PCDH9: variants seen among roughly 807,000 people sequenced by gnomAD.
PCDH9 encodes the protein protocadherin 9, also known as protocadherin-9.
Under a neutral mutation model 70.6 loss-of-function variants are expected in PCDH9, and 24 were observed. The ratio of observed to expected loss-of-function variants is 0.34; its 90% CI spans 0.25 to 0.48. The LOEUF is 0.48. PCDH9 is among the 20% of genes least tolerant of loss of function. The pLI is 0.99. For missense variants in PCDH9, 1,281 were observed against 1,503.6 expected (o/e 0.85, Z 2.45); for synonymous variants, 562 against 558.5 (o/e 1.01, Z -0.09).
rs1351816042 is a variant in PCDH9 at position 66,426,780 on chromosome 13, C to A, written c.3341-121752G>T. On this transcript the variant is annotated intron_variant, in intron 4 of 4. Transcript: ENST00000377865. ...CATGCATCCTTTACTATTAATAACTCCTTTAATATTTATTACAATAGATAT... is the reference window on the plus strand; with the variant it reads ...CATGCATCCTTTACTATTAATAACTACTTTAATATTTATTACAATAGATAT... Among the ~76,000 whole-genome samples, 4 of 151,392 alleles carry A rather than the reference C, an allele frequency of 2.6e-5. No individual in the cohort carries two copies. The Admixed American group carries it at 2.6e-4, about 10-fold the overall frequency.
chr13:66,730,050 T>C (rs2079052360), intron 3 of PCDH9, among the ~76,000 whole-genome samples: 1 of 152,210 alleles, frequency 6.6e-6, no homozygotes, highest in Admixed American at 6.5e-5. Context: ...CTTTTAAAAA[T>C]ATTTAACCAT....
At chr13:66,781,393 CA>C (rs2079995716) in intron 3 of PCDH9, among the ~76,000 whole-genome samples, 1 of 152,168 alleles carries the variant, frequency 6.6e-6, no homozygotes, top group African/African-American at 2.4e-5. Flanking sequence ...GTTTATTTCA[CA>C]AATGCGCTAT....
intron 4 of PCDH9, among the ~76,000 whole-genome samples, chr13:66,500,807 C>T (rs760004457): frequency 3.3e-5 from 5 of 152,058 alleles, no homozygotes; most frequent in Non-Finnish European, 7.4e-5. Context: ...ATTCTAATAT[C>T]ACCATTAATA....
intron 4 of PCDH9, among the ~76,000 whole-genome samples, chr13:66,585,757 C>A (rs1256461819): frequency 1.3e-5 from 2 of 152,016 alleles, no homozygotes; most frequent in South Asian, 2.1e-4. Context: ...TTCTTTCTTT[C>A]TTTTCTTCTC....
chr13:66,842,698 T>A (rs1422772719), intron 3 of PCDH9, among the ~76,000 whole-genome samples: 2 of 152,202 alleles, frequency 1.3e-5, no homozygotes, highest in African/African-American at 4.8e-5. Context: ...TAACTGTTAA[T>A]CCTAAGATTT....
chr13:66,852,031 G>A (rs1010791509), intron 3 of PCDH9, among the ~76,000 whole-genome samples: 24 of 151,722 alleles, frequency 1.6e-4, no homozygotes, highest in African/African-American at 5.8e-4. Flanking sequence ...TTCTTATAGG[G>A]ACTTTAATTC....
intron 4 of PCDH9, among the ~76,000 whole-genome samples, chr13:66,503,344 T>C (rs1201456325): frequency 6.6e-6 from 1 of 151,938 alleles, no homozygotes. Context: ...AATACGTATT[T>C]CCAAACTCCC....
intron 3 of PCDH9, among the ~76,000 whole-genome samples, chr13:66,862,374 A>G (rs1228479900): frequency 1.3e-5 from 2 of 152,324 alleles, no homozygotes; most frequent in Admixed American, 6.5e-5. Flanking sequence ...AAAGCATGAT[A>G]TGTCTAGCAA....
chr13:66,736,869 C>A (rs2139188129), intron 3 of PCDH9, among the ~76,000 whole-genome samples: 1 of 152,300 alleles, frequency 6.6e-6, no homozygotes, highest in African/African-American at 2.4e-5. Context: ...ACTTAACTAA[C>A]AACTCTATCT....
intron 4 of PCDH9, among the ~76,000 whole-genome samples, chr13:66,418,832 T>A (rs1330292747): frequency 2.2e-5 from 1 of 45,604 alleles, no homozygotes; most frequent in African/African-American, 3.9e-5. Context: ...ACAAAATAGA[T>A]AGACCGCTAG....
At chr13:66,657,350 G>A (rs375904906) in intron 3 of PCDH9, among the ~76,000 whole-genome samples, 34 of 152,236 alleles carry the variant, frequency 2.2e-4, no homozygotes, top group African/African-American at 7.7e-4. Flanking sequence ...GAGGCGCCTG[G>A]CATCTGGCCA....
chr13:66,670,497 G>T (rs533513580), intron 3 of PCDH9, among the ~76,000 whole-genome samples: 6 of 152,218 alleles, frequency 3.9e-5, no homozygotes, highest in Admixed American at 2.6e-4. Flanking sequence ...ATTTAAAGAG[G>T]CATCTTTTGA....
At chr13:66,842,594 T>C (rs2081135523) in intron 3 of PCDH9, among the ~76,000 whole-genome samples, 1 of 152,214 alleles carries the variant, frequency 6.6e-6, no homozygotes, top group Non-Finnish European at 1.5e-5. Context: ...ATCTCTTTTC[T>C]GAACTTAGAA....
At chr13:66,814,160 T>C (rs1387723546) in intron 3 of PCDH9, among the ~76,000 whole-genome samples, 5 of 152,172 alleles carry the variant, frequency 3.3e-5, no homozygotes, top group African/African-American at 7.2e-5. Flanking sequence ...ACGCTCTTTT[T>C]AGTTAATAAA....
At chr13:67,032,231 C>T (rs928465411) in intron 2 of PCDH9, among the ~76,000 whole-genome samples, 18 of 152,346 alleles carry the variant, frequency 1.2e-4, no homozygotes, top group African/African-American at 3.8e-4. Flanking sequence ...GTAGCCTACA[C>T]TTCCCGGGCT....
chr13:67,101,556 T>A (rs2086435131), intron 2 of PCDH9, among the ~76,000 whole-genome samples: 1 of 152,226 alleles, frequency 6.6e-6, no homozygotes, highest in African/African-American at 2.4e-5. Context: ...CATACGTGTA[T>A]ATGTGTATCA....
chr13:67,218,935 G>A (rs575998332), intron 2 of PCDH9: 2 of 152,080 alleles, frequency 1.3e-5, no homozygotes, highest in Non-Finnish European at 2.9e-5. Flanking sequence ...AACTGTAAAA[G>A]ATCAAGGGAA....
rs550496266 is a variant in PCDH9, at chr13:67,122,961, C to A, written c.3036+102444G>T. Among the ~76,000 whole-genome samples, 8 of 151,924 alleles carry A rather than the reference C, an allele frequency of 5.3e-5. No homozygotes were observed. The South Asian group carries it at 1.7e-3, about 32-fold the overall frequency. ...ACTCTGTCATTATTTTTGTTAGTGA[C>A]ACAGACATTGAAAATAGTCACACTA... On this transcript the variant is annotated intron_variant, in intron 2 of 4. Transcript: ENST00000377865.
intron 3 of PCDH9, among the ~76,000 whole-genome samples, chr13:66,877,350 C>T (rs1274860872): frequency 6.7e-6 from 1 of 149,644 alleles, no homozygotes; most frequent in East Asian, 1.9e-4. Context: ...ATGTGACTAC[C>T]ATTGGATTAC....
Sources: gnomAD v4.1 joint callset for allele counts (sites outside exome capture counted in the v4.1 genomes callset) on GRCh38, gnomAD v4.1.1 for gene constraint, MANE v1.5 for transcripts, NCBI Gene and HGNC (gene_info 2026-07-23, HGNC 2026-07-21) for gene names.